The following SHOC1 variants were observed in gnomAD, a reference collection of about 807,000 sequenced individuals.
SHOC1 encodes shortage in chiasmata 1, also known as protein shortage in chiasmata 1 ortholog.
Under a neutral mutation model 179.2 loss-of-function variants are expected in SHOC1, and 136 were observed. That is an observed-to-expected ratio of 0.76 (90% confidence interval 0.66 to 0.87). The LOEUF (loss-of-function observed/expected upper bound fraction) is 0.87, where lower values mean the gene tolerates loss of function less well. Among genes scored for constraint, SHOC1 ranks in the 40% least tolerant of loss-of-function variants. SHOC1 has a pLI of 0.00. For synonymous variants in SHOC1, 489 were observed against 586.6 expected, an observed-to-expected ratio of 0.83 and a Z score of 2.41; for missense variants, 1,538 against 1,700.8, an observed-to-expected ratio of 0.90 and a Z score of 1.68.
At chr9:111,756,524 TAAATATTTTCG>T in intron 7 of SHOC1, 46 bp from the exon 8 acceptor site, 1 of 1,533,974 alleles carries the variant, frequency 6.5e-7, no homozygotes, top group Non-Finnish European at 8.8e-7. Flanking sequence ...GCTTTCCAAA[TAAATATTTTCG>T]AAATCATAAG....
At chr9:111,774,322 A>G (rs1312597451) in intron 5 of SHOC1, among the ~76,000 whole-genome samples, 1 of 152,174 alleles carries the variant, frequency 6.6e-6, no homozygotes, top group Non-Finnish European at 1.5e-5. Context: ...TTCTCCAGAC[A>G]GGGTCTCACT....
In SHOC1 at chr9:111,691,533, A is replaced by G. The variant is rs1335322963; in HGVS notation, c.4426+18T>C. On this transcript the variant is annotated intron_variant, in intron 27 of 27. Transcript: ENST00000682961. The stretch of plus-strand genomic sequence containing the variant: ...ATTAAATTTGAGAGTAGTTTTATCA[A>G]CTATTGGATAGTGTTACCTGTTAAT... 6.5e-7 allele frequency: 1 copy of G among 1,537,096 alleles called. No individual in the cohort carries two copies. The highest frequency in any genetic ancestry group is 8.8e-7 in the Non-Finnish European group (1 of 1,142,460).
At chr9:111,721,987 C>CT (rs1339839642) in intron 15 of SHOC1, among the ~76,000 whole-genome samples, 3 of 152,138 alleles carry the variant, frequency 2.0e-5, no homozygotes, top group Non-Finnish European at 4.4e-5. Context: ...TTATCTTTGT[C>CT]TTTTTTGTTG....
At chr9:111,742,770 T>C (rs1313203027) in intron 10 of SHOC1, among the ~76,000 whole-genome samples, 1 of 152,202 alleles carries the variant, frequency 6.6e-6, no homozygotes, top group Non-Finnish European at 1.5e-5. Context: ...TTTACCCACA[T>C]AATCCAAAAA....
chr9:111,750,394 G>T (rs180873140), intron 8 of SHOC1, among the ~76,000 whole-genome samples: 3 of 152,030 alleles, frequency 2.0e-5, no homozygotes, highest in African/African-American at 4.8e-5. Flanking sequence ...GAGTGCAATG[G>T]CGTGGTCTTA....
At chr9:111,757,663 C>A (rs1394722599) in intron 7 of SHOC1, among the ~76,000 whole-genome samples, 2 of 152,212 alleles carry the variant, frequency 1.3e-5, no homozygotes, top group Admixed American at 1.3e-4. Context: ...TATTCTTACT[C>A]TTGCAATATT....
intron 12 of SHOC1, among the ~76,000 whole-genome samples, chr9:111,737,660 A>AAAAC (rs58885058): frequency 6.8e-6 from 1 of 147,150 alleles, no homozygotes; most frequent in East Asian, 2.0e-4. Context: ...ACTATGTCTC[A>AAAAC]AAACAAACAA....
intron 8 of SHOC1, among the ~76,000 whole-genome samples, chr9:111,749,896 T>C (rs1349509778): frequency 6.6e-6 from 1 of 152,228 alleles, no homozygotes; most frequent in Non-Finnish European, 1.5e-5. Flanking sequence ...GGTGTATATG[T>C]ACCACATTTT....
At chr9:111,758,324 A>C in intron 6 of SHOC1, 129 bp from the exon 7 acceptor site, 1 of 604,910 alleles carries the variant, frequency 1.7e-6, no homozygotes. Context: ...GGCCGGGTGC[A>C]GTGGCTCACG....
rs1831179999 is a variant in SHOC1 at position 111,686,757 on chromosome 9, C to G, written c.*13G>C. 6.4e-7 allele frequency: 1 copy of G among 1,558,802 alleles called. No individual in the cohort carries two copies. Among genetic ancestry groups the G allele is most frequent in the African/African-American group, 1.4e-5 (1 of 73,748 alleles). ...CAGTGGAATATGGCATGTAACATTGCTCTTCTCCTCCTTCAAAAAAACCTC... is the reference window on the plus strand; with the variant it reads ...CAGTGGAATATGGCATGTAACATTGGTCTTCTCCTCCTTCAAAAAAACCTC... On this transcript the variant is annotated 3_prime_UTR_variant, in exon 28 of 28. Coordinates refer to ENST00000682961, the MANE Select transcript of SHOC1 (RefSeq NM_001378211.1).
intron 13 of SHOC1, among the ~76,000 whole-genome samples, chr9:111,725,496 C>A (rs907965298): frequency 2.0e-5 from 3 of 152,108 alleles, no homozygotes; most frequent in Non-Finnish European, 4.4e-5. Context: ...GATAGGATAC[C>A]CCACTGGGTC....
chr9:111,703,619 T>C (rs1832091181), intron 22 of SHOC1, among the ~76,000 whole-genome samples: 1 of 152,134 alleles, frequency 6.6e-6, no homozygotes, highest in Non-Finnish European at 1.5e-5. Context: ...ATTCTATAAA[T>C]ATACTTAAAA....
At chr9:111,712,963 C>A in intron 18 of SHOC1, 137 bp downstream of exon 18, 2 of 586,812 alleles carry the variant, frequency 3.4e-6, no homozygotes, top group Non-Finnish European at 6.0e-6. Context: ...GGTTAGATCC[C>A]AATGAGTTAT....
chr9:111,777,093 C>A (rs908313616), intron 4 of SHOC1, among the ~76,000 whole-genome samples: 2 of 152,086 alleles, frequency 1.3e-5, no homozygotes, highest in African/African-American at 4.8e-5. Flanking sequence ...TTGGGGTCTT[C>A]TGCTCCTGGG....
Position 111,686,709 on chromosome 9 carries a change from C to A in SHOC1, c.*61G>T, listed in dbSNP as rs1015747735. ...GTGTATGAGCAAATCTAAATAATTG[C>A]GCTAGTGGATTAGCATCAAAAACAG... is the stretch of plus-strand genomic sequence containing the variant. On this transcript the variant is annotated 3_prime_UTR_variant, in exon 28 of 28. Coordinates refer to ENST00000682961, the MANE Select transcript of SHOC1 (RefSeq NM_001378211.1). 9.8e-7 allele frequency: 1 copy of A among 1,022,406 alleles called. No individual in the cohort carries two copies. The highest frequency in any genetic ancestry group is 1.5e-6 in the Non-Finnish European group (1 of 651,866). The allele number at this position is 1,022,406 out of a possible 1,614,324, so 63.3% of individuals were successfully genotyped here.
rs774811951 is a variant in SHOC1 at position 111,707,896 on chromosome 9, A to G, written c.2517T>C (p.Asn839=). The change falls in exon 19 of 28, where the codon AAT becomes AAC. Residue 839 remains asparagine, a synonymous_variant. Transcript: ENST00000682961. Reference sequence around the variant, plus strand: ...CAGATTCCAGAAAATCTTTTCTTTCATTTGAATGAAGGACAGTCAGTGTTA... The same window carrying G: ...CAGATTCCAGAAAATCTTTTCTTTCGTTTGAATGAAGGACAGTCAGTGTTA... The part of the protein sequence containing the change: ...EGLTLTVLHS[N]ERKDFLESEG... The G allele has an allele frequency of 6.3e-7, 1 of 1,582,108 alleles. No homozygotes were observed. The highest frequency in any genetic ancestry group is 8.6e-7 in the Non-Finnish European group (1 of 1,166,228).
At chr9:111,693,348 G>A (rs1348903781) in intron 26 of SHOC1, among the ~76,000 whole-genome samples, 1 of 147,240 alleles carries the variant, frequency 6.8e-6, no homozygotes, top group African/African-American at 2.5e-5. Context: ...ACTTTGGGAG[G>A]CCAAGGTGGG....
rs1834953616 is a variant in SHOC1, at chr9:111,758,147, ATCT to A, written c.642_644del (p.Glu214del). On this transcript the variant is annotated inframe_deletion, in exon 7 of 28. Transcript: ENST00000682961. Reference sequence around the variant, plus strand: ...AAAAGTTCACTTTATCCATACAAAAATCTTCTTTCACAAAAGCTTCCAAAGTTT... The same window carrying A: ...AAAAGTTCACTTTATCCATACAAAAATCTTTCACAAAAGCTTCCAAAGTTT... 6.3e-7 allele frequency: 1 copy of A among 1,590,574 alleles called. No homozygotes were observed.
intron 8 of SHOC1, among the ~76,000 whole-genome samples, chr9:111,751,134 T>C (rs1420202960): frequency 6.6e-6 from 1 of 152,188 alleles, no homozygotes; most frequent in African/African-American, 2.4e-5. Flanking sequence ...TTGTCAGTTT[T>C]GTTGAAGATC....
Sources: gnomAD v4.1 joint callset for allele counts (sites outside exome capture counted in the v4.1 genomes callset) on GRCh38, gnomAD v4.1.1 for gene constraint, MANE v1.5 for transcripts, NCBI Gene and HGNC (gene_info 2026-07-23, HGNC 2026-07-21) for gene names.